Variants in BBX observed in about 807,000 individuals in gnomAD.
The protein encoded by BBX is HMG box transcription factor BBX.
In BBX, 30 loss-of-function variants were observed where a neutral mutation model predicts 100.2. That is an observed-to-expected ratio of 0.30 (90% CI 0.22 to 0.41). The LOEUF is 0.41. BBX is among the 10% of genes least tolerant of loss of function. The pLI, the probability that BBX is intolerant of heterozygous loss-of-function variation, is 1.00. For missense variants in BBX, 1,023 were observed against 1,129.8 expected, an observed-to-expected ratio of 0.91 and a Z score of 1.35; for synonymous variants, 376 against 388.1, an observed-to-expected ratio of 0.97 and a Z score of 0.37.
chr3:107,538,784 G>A lies in BBX; in HGVS notation c.-84+12386G>A, dbSNP rs983572657. 4.0e-5 allele frequency among the ~76,000 whole-genome samples: 6 copies of A among 150,674 alleles called. 2 individuals are homozygous for A. The East Asian group carries it at 9.7e-4, about 24-fold the overall frequency. ...CACAGTACTAATCATTGTGTGAAGAGGAATCATCTTTTTTTTTTTAGGCAA... is the reference window on the plus strand; with the variant it reads ...CACAGTACTAATCATTGTGTGAAGAAGAATCATCTTTTTTTTTTTAGGCAA... On this transcript the variant is annotated intron_variant, in intron 2 of 17. Coordinates refer to ENST00000325805, the MANE Select transcript of BBX (RefSeq NM_001142568.3).
chr3:107,526,205 G>A (rs1005843493), intron 1 of BBX, 122 bp from the exon 2 acceptor site: 3 of 397,216 alleles, frequency 7.6e-6, no homozygotes, highest in Non-Finnish European at 1.3e-5. Context: ...AAGGGGAGGG[G>A]TTAGTGGGAG....
chr3:107,685,343 C>A (rs188556006), intron 3 of BBX, among the ~76,000 whole-genome samples: 3 of 152,032 alleles, frequency 2.0e-5, no homozygotes, highest in Non-Finnish European at 4.4e-5. Flanking sequence ...TTTGGTATAA[C>A]GAATGTTGAG....
chr3:107,654,584 A>T (rs751897730), intron 3 of BBX, among the ~76,000 whole-genome samples: 1 of 152,234 alleles, frequency 6.6e-6, no homozygotes, highest in Non-Finnish European at 1.5e-5. Context: ...CAAAATGCTC[A>T]CTATTGATTC....
intron 7 of BBX, among the ~76,000 whole-genome samples, chr3:107,738,819 A>G (rs2063851022): frequency 6.6e-6 from 1 of 152,162 alleles, no homozygotes; most frequent in Non-Finnish European, 1.5e-5. Flanking sequence ...TTCACAGTTG[A>G]CATTGAGTAT....
intron 10 of BBX, among the ~76,000 whole-genome samples, chr3:107,763,304 A>C (rs1389794): frequency 0.52 from 78,920 of 150,710 alleles, 21,654 homozygotes; most frequent in Middle Eastern, 0.58. Context: ...GGCTCACTGC[A>C]AGCTCCGCCT....
Position 107,773,128 on chromosome 3 carries a change from C to G in BBX, c.1407C>G (p.Pro469=). 1 of 1,614,026 alleles carries G rather than the reference C, an allele frequency of 6.2e-7. No individual in the cohort carries two copies. Among genetic ancestry groups the G allele is most frequent in the Non-Finnish European group, 8.5e-7 (1 of 1,179,994 alleles). Residue 469 remains proline (P), a synonymous_variant, in exon 11 of 18, where the codon CCC becomes CCG. Coordinates refer to ENST00000325805, the MANE Select transcript of BBX (RefSeq NM_001142568.3). This position sits in a 1 kb window ranked among gnomAD's most constrained non-coding sequence, Gnocchi z 4.1. ...MDRHGNDKST[P]KKTCKKRQSS... ...GACATGGAAATGATAAATCCACACC[C>G]AAGAAGACTTGCAAAAAGAGGCAGT... is the stretch of plus-strand genomic sequence containing the variant.
Position 107,773,766 on chromosome 3 carries a change from T to G in BBX, c.1915+130T>G. The stretch of plus-strand genomic sequence containing the variant: ...AATACCTTACATTTGTATATTTCTT[T>G]ATGGTTTATAGATCATAATTATTTG... On this transcript the variant is annotated intron_variant, in intron 11 of 17. Transcript: ENST00000325805. The surrounding 1 kb of genome is among the most constrained non-coding windows in gnomAD (Gnocchi z 4.1). The G allele has an allele frequency of 1.2e-6, 1 of 838,190 alleles. No individual in the cohort carries two copies. The highest frequency in any genetic ancestry group is 1.8e-6 in the Non-Finnish European group (1 of 553,582). The allele number at this position is 838,190 out of a possible 1,614,324, so 51.9% of individuals were successfully genotyped here. A position where few individuals can be genotyped will look rare whatever the true frequency, so the allele number is the denominator to read the frequency against.
chr3:107,792,993 T>C (rs1019928094), intron 15 of BBX, among the ~76,000 whole-genome samples: 1 of 152,180 alleles, frequency 6.6e-6, no homozygotes, highest in Non-Finnish European at 1.5e-5. Context: ...GACCTGCCAC[T>C]AATCAGCATT....
intron 10 of BBX, among the ~76,000 whole-genome samples, chr3:107,768,320 A>G (rs1418066616): frequency 6.6e-6 from 1 of 152,240 alleles, no homozygotes; most frequent in Non-Finnish European, 1.5e-5. Flanking sequence ...TCCAGATTTT[A>G]GCAAGACTTT....
intron 13 of BBX, 44 bp from the exon 14 acceptor site, chr3:107,789,743 A>G: frequency 7.7e-7 from 1 of 1,300,080 alleles, no homozygotes; most frequent in Non-Finnish European, 1.0e-6. Flanking sequence ...TTTTTTATGA[A>G]ACATTGTGAA....
At chr3:107,587,003 G>A (rs1353261298) in intron 2 of BBX, among the ~76,000 whole-genome samples, 3 of 151,860 alleles carry the variant, frequency 2.0e-5, no homozygotes, top group African/African-American at 4.8e-5. Context: ...CATCTCTCTC[G>A]GCCTTCCAAA....
chr3:107,739,677 G>C (rs770825132), intron 7 of BBX, among the ~76,000 whole-genome samples: 3 of 152,240 alleles, frequency 2.0e-5, no homozygotes, highest in African/African-American at 4.8e-5. Flanking sequence ...AAAGAGAAGG[G>C]TGGAGAGCAG....
At chr3:107,774,306 G>A (rs966714099) in intron 11 of BBX, among the ~76,000 whole-genome samples, 1 of 152,138 alleles carries the variant, frequency 6.6e-6, no homozygotes, top group Non-Finnish European at 1.5e-5. Context: ...ACATGTGTGA[G>A]TCCTAGGTCT....
intron 15 of BBX, among the ~76,000 whole-genome samples, chr3:107,791,595 A>G (rs538336503): frequency 6.6e-6 from 1 of 152,282 alleles, no homozygotes; most frequent in South Asian, 2.1e-4. Context: ...ATTGCAGTTC[A>G]TGTTGCAGGC....
chr3:107,588,276 AAAGG>A (rs1050724761), intron 2 of BBX, among the ~76,000 whole-genome samples: 1 of 150,786 alleles, frequency 6.6e-6, no homozygotes, highest in African/African-American at 2.4e-5. Context: ...GGAGGTAGAG[AAAGG>A]AAGAAGTGAC....
rs1361958002 is a variant in BBX at position 107,634,444 on chromosome 3, C to T, written c.-83-11392C>T. On this transcript the variant is annotated intron_variant, in intron 2 of 17. Coordinates refer to ENST00000325805, the MANE Select transcript of BBX (RefSeq NM_001142568.3). ...AGAGGACTGGAGTATGGAGACAAAG[C>T]GCGACCTAATTAATTAAAATTATTT... Among the ~76,000 whole-genome samples, 9 of 152,082 alleles carry T rather than the reference C, an allele frequency of 5.9e-5. No individual in the cohort carries two copies. In the East Asian group the frequency reaches 7.7e-4, roughly 13 times the overall value.
intron 7 of BBX, among the ~76,000 whole-genome samples, chr3:107,741,142 G>A (rs550756661): frequency 5.3e-5 from 8 of 151,928 alleles, no homozygotes; most frequent in East Asian, 3.9e-4. Context: ...TTTGTTGACC[G>A]TGTGTTCATG....
intron 10 of BBX, among the ~76,000 whole-genome samples, chr3:107,768,563 A>G (rs1439758832): frequency 1.3e-5 from 2 of 152,330 alleles, no homozygotes; most frequent in South Asian, 2.1e-4. Context: ...ACACAGATGG[A>G]AGATAATTCA....
At position 107,710,632 on chromosome 3, in the gene BBX, A is replaced by G. The variant is rs372538007; in HGVS notation, c.162+10A>G. The G allele has an allele frequency of 1.7e-5, 27 of 1,586,364 alleles. No individual in the cohort carries two copies. Among genetic ancestry groups the G allele is most frequent in the African/African-American group, 2.7e-5 (2 of 73,386 alleles). On this transcript the variant is annotated intron_variant, in intron 4 of 17. Transcript: ENST00000325805. ...GGAGGATATTGATAAGGTAAGTCCT[A>G]TATTTACCATAGAAGTTTCAAGTTT...
Sources: allele counts gnomAD v4.1 joint callset (sites outside exome capture counted in the v4.1 genomes callset), GRCh38; gene constraint gnomAD v4.1.1; non-coding constraint Gnocchi (gnomAD v3.1); transcripts MANE v1.5; gene names NCBI Gene and HGNC (gene_info 2026-07-23, HGNC 2026-07-21).